The following TMEM117 variants were observed in gnomAD, a reference collection of about 807,000 sequenced individuals.
The protein encoded by TMEM117 is transmembrane protein 117.
Under a neutral mutation model 52.4 loss-of-function variants are expected in TMEM117, and 27 were observed. The observed-to-expected ratio is 0.51, with a 90% CI of 0.38 to 0.71. TMEM117 has a LOEUF of 0.71. TMEM117 is among the 30% of genes least tolerant of loss of function. The pLI, the probability that TMEM117 is intolerant of heterozygous loss-of-function variation, is 0.00. For synonymous variants in TMEM117, 215 were observed against 206.3 expected (o/e 1.04, Z -0.36); for missense variants, 556 against 630.5 (o/e 0.88, Z 1.26).
intron 6 of TMEM117, among the ~76,000 whole-genome samples, chr12:44,339,464 G>C (rs1342742159): frequency 6.6e-6 from 1 of 152,028 alleles, no homozygotes; most frequent in African/African-American, 2.4e-5. Flanking sequence ...CAGGAAGCAA[G>C]ATCATCATGC....
At chr12:44,326,894 T>C (rs1477087625) in intron 6 of TMEM117, among the ~76,000 whole-genome samples, 1 of 152,208 alleles carries the variant, frequency 6.6e-6, no homozygotes, top group Non-Finnish European at 1.5e-5. Context: ...ACCTATATAC[T>C]GAAGCCTCCT....
chr12:44,218,865 G>A (rs1000324500), intron 5 of TMEM117, among the ~76,000 whole-genome samples: 7 of 152,082 alleles, frequency 4.6e-5, no homozygotes, highest in African/African-American at 1.7e-4. Context: ...CACTCTTCAT[G>A]GTAATTATCA....
At chr12:43,926,886 T>C (rs1944787916) in intron 2 of TMEM117, among the ~76,000 whole-genome samples, 1 of 152,084 alleles carries the variant, frequency 6.6e-6, no homozygotes, top group Non-Finnish European at 1.5e-5. Context: ...TTTGGCTTCA[T>C]TGATCCTCTA....
At chr12:44,144,968 TA>T (rs1948621957) in intron 4 of TMEM117, among the ~76,000 whole-genome samples, 1 of 151,786 alleles carries the variant, frequency 6.6e-6, no homozygotes, top group African/African-American at 2.4e-5. Flanking sequence ...CCATCCTGGC[TA>T]ACACGGTGAA....
chr12:44,169,429 C>T (rs769711362), intron 4 of TMEM117, among the ~76,000 whole-genome samples: 1 of 152,078 alleles, frequency 6.6e-6, no homozygotes, highest in African/African-American at 2.4e-5. Context: ...TTTTGATTTG[C>T]ATTTCTCTAA....
At chr12:43,948,578 T>C (rs889284561) in intron 3 of TMEM117, among the ~76,000 whole-genome samples, 7 of 152,212 alleles carry the variant, frequency 4.6e-5, no homozygotes, top group Non-Finnish European at 1.0e-4. Context: ...GAGAACCTCC[T>C]TTATTCTTTA....
At chr12:44,296,664 G>A (rs187369121) in intron 5 of TMEM117, among the ~76,000 whole-genome samples, 19 of 152,338 alleles carry the variant, frequency 1.2e-4, no homozygotes, top group African/African-American at 4.6e-4. Flanking sequence ...TGCCACCAGG[G>A]CATGAATGGG....
At chr12:43,811,964 A>G in the TMEM117 span, among the ~76,000 whole-genome samples, 4 of 152,244 alleles carry the variant, frequency 2.6e-5, no homozygotes, top group Non-Finnish European at 2.9e-5. Flanking sequence ...GAGATTCACT[A>G]CTACAGTAAA....
intron 3 of TMEM117, among the ~76,000 whole-genome samples, chr12:44,136,377 T>G (rs186842578): frequency 6.6e-6 from 1 of 152,152 alleles, no homozygotes; most frequent in Non-Finnish European, 1.5e-5. Context: ...TTTGGGAAGT[T>G]GATAAAAGAA....
At chr12:43,863,127 T>C (rs1307249977) in intron 2 of TMEM117, among the ~76,000 whole-genome samples, 1 of 152,042 alleles carries the variant, frequency 6.6e-6, no homozygotes. Context: ...GTGCCTGTAA[T>C]CCCAGCTACT....
chr12:43,984,830 A>AAACCCC (rs1269480633), intron 3 of TMEM117, among the ~76,000 whole-genome samples: 16 of 152,276 alleles, frequency 1.1e-4, no homozygotes, highest in African/African-American at 3.8e-4. Flanking sequence ...CGTTTGTTTT[A>AAACCCC]AAATCAGCCC....
intron 3 of TMEM117, among the ~76,000 whole-genome samples, chr12:43,966,241 C>T (rs1945483337): frequency 6.6e-6 from 1 of 152,140 alleles, no homozygotes; most frequent in Admixed American, 6.5e-5. Context: ...TTATCTAAAC[C>T]TTTTCCACTA....
chr12:44,260,717 G>A (rs1950310731), intron 5 of TMEM117, among the ~76,000 whole-genome samples: 1 of 152,176 alleles, frequency 6.6e-6, no homozygotes, highest in African/African-American at 2.4e-5. Flanking sequence ...TACGGATAGA[G>A]ATTAGTTTTG....
chr12:43,945,109 C>CTATATAAATAAATAAATAAA (rs1555186616), intron 3 of TMEM117, among the ~76,000 whole-genome samples: 1 of 141,648 alleles, frequency 7.1e-6, no homozygotes. Flanking sequence ...GACTCCGTCT[C>CTATATAAATAAATAAATAAA]TAAATAAATA....
At chr12:44,021,880 T>C (rs894631027) in intron 3 of TMEM117, among the ~76,000 whole-genome samples, 1 of 152,184 alleles carries the variant, frequency 6.6e-6, no homozygotes, top group African/African-American at 2.4e-5. Context: ...CATGCAACCA[T>C]AAGTTGCAAT....
intron 3 of TMEM117, among the ~76,000 whole-genome samples, chr12:44,004,177 A>G (rs1008297691): frequency 3.9e-5 from 6 of 152,188 alleles, no homozygotes; most frequent in African/African-American, 1.4e-4. Flanking sequence ...CCTGCTGGTA[A>G]TGATGCCAGT....
chr12:43,973,565 G>T (rs571940383), intron 3 of TMEM117, among the ~76,000 whole-genome samples: 1 of 152,274 alleles, frequency 6.6e-6, no homozygotes, highest in Non-Finnish European at 1.5e-5. Flanking sequence ...AACTGCGAGT[G>T]TACAAGGAAT....
intron 3 of TMEM117, among the ~76,000 whole-genome samples, chr12:44,049,317 A>G (rs1316288764): frequency 6.6e-6 from 1 of 152,202 alleles, no homozygotes; most frequent in South Asian, 2.1e-4. Flanking sequence ...ACACAGGAAC[A>G]GAAAACCAAA....
chr12:44,143,755 A>G (rs1948603336), intron 4 of TMEM117, 131 bp downstream of exon 4: 1 of 628,396 alleles, frequency 1.6e-6, no homozygotes, highest in Non-Finnish European at 2.7e-6. Context: ...ATTTATGAGT[A>G]AAGATAATTC....
Sources: gnomAD v4.1 joint callset for allele counts (sites outside exome capture counted in the v4.1 genomes callset) on GRCh38, gnomAD v4.1.1 for gene constraint, MANE v1.5 for transcripts, NCBI Gene and HGNC (gene_info 2026-07-23, HGNC 2026-07-21) for gene names.